Variants in CERKL observed in about 807,000 individuals in gnomAD.
CERKL encodes the protein ceramide kinase-like protein.
Under a neutral mutation model 63.4 loss-of-function variants are expected in CERKL, and 61 were observed. The observed-to-expected ratio is 0.96, with a 90% CI of 0.78 to 1.19. The LOEUF is 1.19. Ranked by LOEUF, CERKL falls within the 50% of genes most tolerant of loss-of-function variation. The pLI is 0.00. For synonymous variants in CERKL, 250 were observed against 230.5 expected, an observed-to-expected ratio of 1.08 and a Z score of -0.77; for missense variants, 675 against 655.5, an observed-to-expected ratio of 1.03 and a Z score of -0.33.
chr2:181,632,874 C>G (rs767092719), intron 1 of CERKL, among the ~76,000 whole-genome samples: 10 of 152,108 alleles, frequency 6.6e-5, no homozygotes, highest in Non-Finnish European at 1.2e-4. Context: ...TTACTTGGTC[C>G]TACTCCAGTC....
At position 181,562,424 on chromosome 2, in the gene CERKL, T is replaced by C. The variant is rs140176332; in HGVS notation, c.677+3634A>G. ...TGGGGTTATCATAGGCCATGAGCAC[T>C]CATATTTGGCTCAAAATAAACCTCT... is the stretch of plus-strand genomic sequence containing the variant. On this transcript the variant is annotated intron_variant, in intron 4 of 12. Coordinates refer to ENST00000410087, the MANE Select transcript of CERKL (RefSeq NM_201548.5). Among the ~76,000 whole-genome samples the C allele has an allele frequency of 2.8e-3, 421 of 152,346 alleles. 2 individuals are homozygous for C. The highest frequency in any genetic ancestry group is 9.2e-3 in the African/African-American group (383 of 41,590).
rs1259507388 is a variant in CERKL, at chr2:181,623,936, T to C, written c.239-19857A>G. 4.6e-5 allele frequency among the ~76,000 whole-genome samples: 7 copies of C among 152,150 alleles called. No homozygotes were observed. In the South Asian group the frequency reaches 1.4e-3, roughly 32 times the overall value. On this transcript the variant is annotated intron_variant, in intron 1 of 12. Transcript: ENST00000410087. ...TGAGTGTTATGTAATATATTATATATACCCCATTTTAGCTCTCTAAAATCA... is the reference window on the plus strand; with the variant it reads ...TGAGTGTTATGTAATATATTATATACACCCCATTTTAGCTCTCTAAAATCA...
At chr2:181,626,558 C>T (rs1464538953) in intron 1 of CERKL, among the ~76,000 whole-genome samples, 1 of 152,214 alleles carries the variant, frequency 6.6e-6, no homozygotes, top group African/African-American at 2.4e-5. Flanking sequence ...ATCACCCAAA[C>T]AAGTTGTCCA....
chr2:181,606,749 A>G (rs940347998), intron 1 of CERKL, among the ~76,000 whole-genome samples: 2 of 152,126 alleles, frequency 1.3e-5, no homozygotes, highest in Non-Finnish European at 2.9e-5. Flanking sequence ...CCCTCAAAGT[A>G]TCAATTCAAC....
At chr2:181,548,166 G>C in intron 8 of CERKL, 1 of 529,416 alleles carries the variant, frequency 1.9e-6, no homozygotes, top group Non-Finnish European at 3.3e-6. Flanking sequence ...AAAACTGTGT[G>C]TTTTGTTCAT....
At chr2:181,603,322 T>C (rs1479377721) in intron 2 of CERKL, among the ~76,000 whole-genome samples, 1 of 152,172 alleles carries the variant, frequency 6.6e-6, no homozygotes, top group Non-Finnish European at 1.5e-5. Flanking sequence ...AACTCTCAGG[T>C]GAACTAAATT....
chr2:181,578,483 A>G (rs1684354784), intron 2 of CERKL, among the ~76,000 whole-genome samples: 3 of 150,058 alleles, frequency 2.0e-5, no homozygotes, highest in Admixed American at 6.6e-5. Context: ...TATTTTTTCT[A>G]GAGATGGGGT....
chr2:181,633,338 G>A (rs747001858), intron 1 of CERKL, among the ~76,000 whole-genome samples: 5 of 152,218 alleles, frequency 3.3e-5, no homozygotes, highest in South Asian at 2.1e-4. Context: ...GACATGCTTC[G>A]AGGCTGAGGG....
At chr2:181,544,102 T>C (rs1687626040) in intron 11 of CERKL, among the ~76,000 whole-genome samples, 1 of 152,182 alleles carries the variant, frequency 6.6e-6, no homozygotes, top group Non-Finnish European at 1.5e-5. Flanking sequence ...AGGATCATTT[T>C]CCTAATAATC....
At position 181,569,056 on chromosome 2, in the gene CERKL, C is replaced by A. The variant is rs192202842; in HGVS notation, c.614-2935G>T. On this transcript the variant is annotated intron_variant, in intron 3 of 12. Transcript: ENST00000410087. ...TCTTGTCTCCCTCAAACCTCTCCCC[C>A]ACTCTAGCCAGAATAACCATTTTCA... 4.8e-3 allele frequency among the ~76,000 whole-genome samples: 725 copies of A among 152,236 alleles called. 22 individuals are homozygous for A. The highest frequency in any genetic ancestry group is 0.042 in the Admixed American group (640 of 15,272).
At position 181,537,205 on chromosome 2, in the gene CERKL, G is replaced by GATTTAGAACT. The variant is rs1443759211; in HGVS notation, c.*969_*978dup. 2.2e-6 allele frequency: 1 copy of GATTTAGAACT among 452,928 alleles called. No individual in the cohort carries two copies. Among genetic ancestry groups the GATTTAGAACT allele is most frequent in the Non-Finnish European group, 4.4e-6 (1 of 226,048 alleles). The allele number at this position is 452,928 out of a possible 1,614,324, so 28.1% of individuals were successfully genotyped here. On this transcript the variant is annotated 3_prime_UTR_variant, in exon 13 of 13. Transcript: ENST00000410087. The stretch of plus-strand genomic sequence containing the variant: ...GATCATAGATGAAAAATCAAGCCCC[G>GATTTAGAACT]ATTTAGAACTGTCTTCTCCAGGATG...
intron 1 of CERKL, among the ~76,000 whole-genome samples, chr2:181,618,215 C>T (rs1686288031): frequency 6.6e-6 from 1 of 150,556 alleles, no homozygotes; most frequent in African/African-American, 2.4e-5. Flanking sequence ...CACCACTAAG[C>T]AATATATCCG....
rs547637956 is a variant in CERKL, at chr2:181,628,229, T to C, written c.239-24150A>G. ...AGAAATTTTTGTAAGGACAACCTTG[T>C]AGCTACTTATTTAAGAAATGGTTTG... On this transcript the variant is annotated intron_variant, in intron 1 of 12. Transcript: ENST00000410087. Among the ~76,000 whole-genome samples, 93 of 152,320 alleles carry C rather than the reference T, an allele frequency of 6.1e-4. 1 individual carries two copies. In the South Asian group the frequency reaches 0.016, roughly 26 times the overall value.
chr2:181,618,266 ATT>A (rs3060883), intron 1 of CERKL, among the ~76,000 whole-genome samples: 53,046 of 127,962 alleles, frequency 0.41, 12,187 homozygotes, highest in African/African-American at 0.69. Context: ...CTTACACAAT[ATT>A]TTTTTTTTTT....
intron 1 of CERKL, among the ~76,000 whole-genome samples, chr2:181,611,000 G>C (rs947147230): frequency 1.1e-4 from 17 of 152,006 alleles, no homozygotes; most frequent in African/African-American, 3.9e-4. Flanking sequence ...TGAGGTGGGC[G>C]GATCACAGGG....
At chr2:181,655,968 TG>T (rs1327249088) in intron 1 of CERKL, among the ~76,000 whole-genome samples, 3 of 152,218 alleles carry the variant, frequency 2.0e-5, no homozygotes, top group Non-Finnish European at 4.4e-5. Flanking sequence ...ACTTGCAAAA[TG>T]GTCTTTATAA....
intron 1 of CERKL, among the ~76,000 whole-genome samples, chr2:181,637,400 A>G (rs1260027420): frequency 6.6e-6 from 1 of 152,198 alleles, no homozygotes; most frequent in Admixed American, 6.5e-5. Flanking sequence ...TCCAACAGAG[A>G]GGTCAATAAA....
chr2:181,583,293 C>T (rs1684617393), intron 2 of CERKL, among the ~76,000 whole-genome samples: 1 of 152,002 alleles, frequency 6.6e-6, no homozygotes, highest in South Asian at 2.1e-4. Flanking sequence ...ATATCTCTTC[C>T]CTACCCACCC....
Position 181,657,038 on chromosome 2 carries a change from G to A in CERKL, c.-32C>T. Reference sequence around the variant, plus strand: ...GTCGCAGGCTGGGCCCGAGCCAGGGGTCCGGGGAGGCCTTTGGAGAAGGAG... The same window carrying A: ...GTCGCAGGCTGGGCCCGAGCCAGGGATCCGGGGAGGCCTTTGGAGAAGGAG... On this transcript the variant is annotated 5_prime_UTR_variant, in exon 1 of 13. Transcript: ENST00000410087. The A allele has an allele frequency of 1.9e-6, 3 of 1,546,070 alleles. No individual in the cohort carries two copies. Among genetic ancestry groups the A allele is most frequent in the Non-Finnish European group, 2.6e-6 (3 of 1,144,480 alleles).
Sources: gnomAD v4.1 joint callset for allele counts (sites outside exome capture counted in the v4.1 genomes callset) on GRCh38, gnomAD v4.1.1 for gene constraint, MANE v1.5 for transcripts, NCBI Gene and HGNC (gene_info 2026-07-23, HGNC 2026-07-21) for gene names.